Variants in MCUB observed in about 807,000 individuals in gnomAD.
MCUB encodes the protein mitochondrial calcium uniporter dominant negative subunit beta.
In MCUB, 46 loss-of-function variants were observed where a neutral mutation model predicts 41.4. The observed-to-expected ratio is 1.11, with a 90% CI of 0.88 to 1.42. The LOEUF is 1.42. Among genes scored for constraint, MCUB ranks in the 40% most tolerant of loss-of-function variants. The probability of loss-of-function intolerance (pLI) is 0.00; values close to 1 mark genes in which losing one functional copy is unlikely to be tolerated. For synonymous variants in MCUB, 148 were observed against 148.2 expected (o/e 1.00, Z 0.01); for missense variants, 403 against 404.9 (o/e 1.00, Z 0.04).
chr4:109,580,526 T>A (rs1727145902), intron 1 of MCUB, among the ~76,000 whole-genome samples: 1 of 152,224 alleles, frequency 6.6e-6, no homozygotes, highest in African/African-American at 2.4e-5. Context: ...TTTCTCCACA[T>A]CCTTTCCAGC....
intron 1 of MCUB, among the ~76,000 whole-genome samples, chr4:109,655,329 C>T (rs1561242770): frequency 6.6e-6 from 1 of 152,182 alleles, no homozygotes; most frequent in Non-Finnish European, 1.5e-5. Flanking sequence ...CGCTGAACCT[C>T]ATTGTTTAGG....
At chr4:109,666,929 G>A (rs10020263) in intron 4 of MCUB, among the ~76,000 whole-genome samples, 91,914 of 152,042 alleles carry the variant, frequency 0.6, 28,135 homozygotes, top group South Asian at 0.68. Context: ...TGCATACCTG[G>A]ATAAATCCCA....
Position 109,664,390 on chromosome 4 carries a change from G to T in MCUB, c.447G>T (p.Lys149Asn). Residue 149 changes from lysine to asparagine, a missense_variant, in exon 4 of 8, where the codon AAG becomes AAT. Transcript: ENST00000394650. ...TAGCATATGATGTGCAGTGTCCAAAGAGAGGTAAGAAACACAGCTATCCAA... is the reference window on the plus strand; with the variant it reads ...TAGCATATGATGTGCAGTGTCCAAATAGAGGTAAGAAACACAGCTATCCAA... ...NKIAYDVQCPKREKPSNEHTA... is the reference protein window; with the variant it reads ...NKIAYDVQCPNREKPSNEHTA... The T allele has an allele frequency of 7.8e-7, 1 of 1,282,796 alleles. No individual in the cohort carries two copies. The highest frequency in any genetic ancestry group is 1.2e-5 in the South Asian group (1 of 82,230). 79.5% of individuals were successfully genotyped at this position (1,282,796 alleles called of 1,614,324 possible).
At chr4:109,684,773 T>C (rs922015115) in intron 6 of MCUB, 127 bp downstream of exon 6, 1 of 585,306 alleles carries the variant, frequency 1.7e-6, no homozygotes, top group Non-Finnish European at 3.0e-6. Context: ...AGCTGGTAAA[T>C]TTTTTATTGT....
intron 1 of MCUB, among the ~76,000 whole-genome samples, chr4:109,595,892 T>G (rs1169421198): frequency 6.6e-6 from 1 of 150,718 alleles, no homozygotes; most frequent in Non-Finnish European, 1.5e-5. Context: ...GGGAGACGAG[T>G]TCTAGTGAGG....
chr4:109,589,215 G>T (rs1023314014), intron 1 of MCUB, among the ~76,000 whole-genome samples: 2 of 152,204 alleles, frequency 1.3e-5, no homozygotes, highest in African/African-American at 2.4e-5. Context: ...TGCAGACCAT[G>T]CCCGGCCCAG....
chr4:109,598,920 A>G (rs946921502), intron 1 of MCUB, among the ~76,000 whole-genome samples: 2 of 152,238 alleles, frequency 1.3e-5, no homozygotes, highest in Non-Finnish European at 2.9e-5. Flanking sequence ...TAAATTAGCT[A>G]TTCTCTATCA....
chr4:109,638,411 TAA>T (rs60114567), intron 1 of MCUB, among the ~76,000 whole-genome samples: 9,748 of 138,220 alleles, frequency 0.071, 1,030 homozygotes, highest in African/African-American at 0.24. Flanking sequence ...GCATTATATC[TAA>T]AAAAAAAAAA....
At chr4:109,646,766 G>A (rs1317245315) in intron 1 of MCUB, among the ~76,000 whole-genome samples, 4 of 151,982 alleles carry the variant, frequency 2.6e-5, no homozygotes, top group Admixed American at 6.6e-5. Context: ...TAGACCTCAG[G>A]GACATAGCAC....
intron 1 of MCUB, among the ~76,000 whole-genome samples, chr4:109,586,374 AGCTT>A (rs1439665989): frequency 1.3e-5 from 2 of 152,192 alleles, no homozygotes; most frequent in African/African-American, 4.8e-5. Context: ...CAAGGTTTTT[AGCTT>A]CCTTGCGATG....
At chr4:109,665,904 A>G (rs1336959768) in intron 4 of MCUB, among the ~76,000 whole-genome samples, 6 of 151,906 alleles carry the variant, frequency 3.9e-5, no homozygotes, top group Admixed American at 3.9e-4. Flanking sequence ...TACAACAGGG[A>G]AAATACTAAA....
intron 1 of MCUB, among the ~76,000 whole-genome samples, chr4:109,656,354 CTTTTTTTTTTTTTTTTTTTTTTTTTTT>C (rs752851425): frequency 1.6e-5 from 1 of 62,096 alleles, no homozygotes; most frequent in Non-Finnish European, 3.1e-5. Context: ...TTACTCTCTA[CTTTTTTTTTTTTTTTTTTTTTTTTTTT>C]TTTTTTTTTT....
chr4:109,674,447 A>G (rs1389261072), intron 4 of MCUB, among the ~76,000 whole-genome samples: 2 of 152,142 alleles, frequency 1.3e-5, no homozygotes, highest in Non-Finnish European at 2.9e-5. Flanking sequence ...TCCTGAAGGT[A>G]CTCCCAGTTT....
In MCUB at chr4:109,688,354, G is replaced by A. The variant is rs987930172; in HGVS notation, c.*762G>A. On this transcript the variant is annotated 3_prime_UTR_variant, in exon 8 of 8. Coordinates refer to ENST00000394650, the MANE Select transcript of MCUB (RefSeq NM_017918.5). ...GAATGGGTCTGATGACTGTTGGACT[G>A]TTTGTAGGAACTTAACATGGAAGAT... is the stretch of plus-strand genomic sequence containing the variant. 25 of 152,222 alleles carry A rather than the reference G, an allele frequency of 1.6e-4. No homozygotes were observed. Among genetic ancestry groups the A allele is most frequent in the African/African-American group, 6.0e-4 (25 of 41,450 alleles). 9.4% of individuals were successfully genotyped at this position (152,222 alleles called of 1,614,324 possible).
chr4:109,605,876 C>T (rs1727858024), intron 1 of MCUB, among the ~76,000 whole-genome samples: 1 of 152,032 alleles, frequency 6.6e-6, no homozygotes, highest in Admixed American at 6.6e-5. Context: ...CATGGAATAT[C>T]TTTTTTCATC....
intron 6 of MCUB, 141 bp from the exon 7 acceptor site, chr4:109,685,110 T>C (rs778059459): frequency 8.9e-5 from 49 of 551,830 alleles, no homozygotes; most frequent in Non-Finnish European, 1.3e-4. Flanking sequence ...GGCTTATGCT[T>C]ACTCTCATGG....
At chr4:109,595,811 C>A (rs1727542128) in intron 1 of MCUB, among the ~76,000 whole-genome samples, 1 of 152,260 alleles carries the variant, frequency 6.6e-6, no homozygotes, top group Non-Finnish European at 1.5e-5. Flanking sequence ...ATGATAAAAT[C>A]ACCAATAATT....
chr4:109,615,283 G>A (rs567033720), intron 1 of MCUB, among the ~76,000 whole-genome samples: 5 of 152,176 alleles, frequency 3.3e-5, no homozygotes, highest in East Asian at 3.9e-4. Flanking sequence ...GTCAGCCCCC[G>A]GGATTATATC....
intron 1 of MCUB, among the ~76,000 whole-genome samples, chr4:109,568,678 A>G (rs1726838426): frequency 6.6e-6 from 1 of 152,092 alleles, no homozygotes; most frequent in African/African-American, 2.4e-5. Flanking sequence ...TTTCAGCCCC[A>G]CAATACTTAC....
Sources: allele counts gnomAD v4.1 joint callset (sites outside exome capture counted in the v4.1 genomes callset), GRCh38; gene constraint gnomAD v4.1.1; transcripts MANE v1.5; gene names NCBI Gene and HGNC (gene_info 2026-07-23, HGNC 2026-07-21).